PRPH2: variants seen among roughly 807,000 people sequenced by gnomAD.
The protein encoded by PRPH2 is peripherin-2.
Under a neutral mutation model 31.3 loss-of-function variants are expected in PRPH2, and 17 were observed. The ratio of observed to expected loss-of-function variants is 0.54; its 90% CI spans 0.37 to 0.81. PRPH2 has a LOEUF of 0.81. PRPH2 is among the 40% of genes least tolerant of loss of function. The probability of loss-of-function intolerance (pLI) is 0.00; values close to 1 mark genes in which losing one functional copy is unlikely to be tolerated. For synonymous variants in PRPH2, 165 were observed against 184.4 expected (o/e 0.89, Z 0.85); for missense variants, 430 against 439.7 (o/e 0.98, Z 0.20).
In PRPH2 at chr6:42,721,937, C is replaced by A; in HGVS notation, c.398G>T (p.Gly133Val). The change falls in exon 1 of 3, where the codon GGG becomes GTG. Residue 133 changes from glycine to valine, a missense_variant. Physicochemically the swap from Gly to Val is moderately radical, Grantham distance 109. Transcript: ENST00000230381. ...RGSLENTLGQ[G>V]LKNGMKYYRD... The stretch of plus-strand genomic sequence containing the variant: ...GTAGTACTTCATGCCGTTCTTGAGC[C>A]CTTGGCCCAGGGTGTTCTCCAGCGA... 6.2e-7 allele frequency: 1 copy of A among 1,614,128 alleles called. No homozygotes were observed. Among genetic ancestry groups the A allele is most frequent in the Non-Finnish European group, 8.5e-7 (1 of 1,180,036 alleles).
At position 42,697,023 on chromosome 6, in the gene PRPH2, G is replaced by T. The variant is rs911462684; in HGVS notation, c.*1272C>A. 33 of 152,034 alleles carry T rather than the reference G, an allele frequency of 2.2e-4. No individual in the cohort carries two copies. The highest frequency in any genetic ancestry group is 8.0e-4 in the African/African-American group (33 of 41,356). The allele number at this position is 152,034 out of a possible 1,614,324, so 9.4% of individuals were successfully genotyped here. A position where few individuals can be genotyped will look rare whatever the true frequency, so the allele number is the denominator to read the frequency against. ...TAAGTTATGGACTGTTCCCTTTCTG[G>T]TTTTTGCCTTCTGGCCTCGGTCTCC... On this transcript the variant is annotated 3_prime_UTR_variant, in exon 3 of 3. Transcript: ENST00000230381.
chr6:42,719,167 C>CTT (rs10594241), intron 1 of PRPH2, among the ~76,000 whole-genome samples: 7 of 144,910 alleles, frequency 4.8e-5, no homozygotes, highest in Admixed American at 6.9e-5. Context: ...AGTGGACTTC[C>CTT]TTTTTTTTTT....
rs1761916976 is a variant in PRPH2, at chr6:42,722,153, G to A, written c.182C>T (p.Pro61Leu). The A allele has an allele frequency of 1.4e-5, 22 of 1,614,094 alleles. No individual in the cohort carries two copies. The highest frequency in any genetic ancestry group is 1.9e-5 in the Non-Finnish European group (22 of 1,180,024). ...VMNNSESHFV[P>L]NSLIGMGVLS... is the part of the protein sequence containing the mutation. Reference sequence around the variant, plus strand: ...CACCCCCATCCCTATCAATGAGTTGGGCACAAAATGGCTCTCAGAATTATT... The same window carrying A: ...CACCCCCATCCCTATCAATGAGTTGAGCACAAAATGGCTCTCAGAATTATT... Residue 61 changes from proline (P) to leucine (L), a missense_variant, in exon 1 of 3, where the codon CCC becomes CTC. Transcript: ENST00000230381. The surrounding 1 kb of genome is among the most constrained non-coding windows in gnomAD (Gnocchi z 4.4).
At chr6:42,704,326 CTCTCCT>C in intron 2 of PRPH2, 33 bp downstream of exon 2, 1 of 1,594,032 alleles carries the variant, frequency 6.3e-7, no homozygotes, top group Non-Finnish European at 8.5e-7. Flanking sequence ...GGACCGGAGG[CTCTCCT>C]TACCCTCTAC....
chr6:42,712,659 C>T (rs1422318127), intron 1 of PRPH2, among the ~76,000 whole-genome samples: 1 of 151,662 alleles, frequency 6.6e-6, no homozygotes, highest in Admixed American at 6.6e-5. Context: ...TCAGGTGATC[C>T]ACCCGCCTCA....
intron 1 of PRPH2, among the ~76,000 whole-genome samples, chr6:42,708,090 G>A (rs751547824): frequency 2.6e-5 from 4 of 152,312 alleles, no homozygotes; most frequent in East Asian, 1.9e-4. Context: ...GCAGGTGGCC[G>A]AGCAAGAGCC....
intron 1 of PRPH2, among the ~76,000 whole-genome samples, chr6:42,713,224 CA>C (rs113027921): frequency 1.2e-3 from 174 of 139,410 alleles, no homozygotes; most frequent in Middle Eastern, 3.6e-3. Flanking sequence ...AACTCCATCT[CA>C]AAAAAAAAAA....
In PRPH2 at chr6:42,696,621, TTATC is replaced by T. The variant is rs1202344354; in HGVS notation, c.*1670_*1673del. The T allele has an allele frequency of 6.6e-6, 1 of 152,222 alleles. No homozygotes were observed. The highest frequency in any genetic ancestry group is 2.4e-5 in the African/African-American group (1 of 41,442). 9.4% of individuals were successfully genotyped at this position (152,222 alleles called of 1,614,324 possible). On this transcript the variant is annotated 3_prime_UTR_variant, in exon 3 of 3. Coordinates refer to ENST00000230381, the MANE Select transcript of PRPH2 (RefSeq NM_000322.5). ...GATTTTCATACAGTATGAATTTTAA[TTATC>T]TATTGACAGCTGTTAACAGCATAGT...
At chr6:42,698,604 G>A in intron 2 of PRPH2, 97 bp from the exon 3 acceptor site, 2 of 1,541,988 alleles carry the variant, frequency 1.3e-6, no homozygotes, top group South Asian at 2.3e-5. Flanking sequence ...GGGTCCCAGA[G>A]AGGACTCAAC....
At chr6:42,712,716 C>T (rs1268297403) in intron 1 of PRPH2, among the ~76,000 whole-genome samples, 2 of 151,548 alleles carry the variant, frequency 1.3e-5, no homozygotes, top group Admixed American at 6.6e-5. Context: ...TGTGCCCAGC[C>T]TGTTTTTTCC....
chr6:42,715,939 C>T (rs1761768984), intron 1 of PRPH2, among the ~76,000 whole-genome samples: 1 of 152,226 alleles, frequency 6.6e-6, no homozygotes, highest in Admixed American at 6.5e-5. Context: ...AGCTCCTCCT[C>T]TCAGGAACTG....
rs1799981303 is a variant in PRPH2 at position 42,698,253 on chromosome 6, C to G, written c.*42G>C. On this transcript the variant is annotated 3_prime_UTR_variant, in exon 3 of 3. Coordinates refer to ENST00000230381, the MANE Select transcript of PRPH2 (RefSeq NM_000322.5). Reference sequence around the variant, plus strand: ...GGGGAGATCCACGTTTCTTGGAGTGCACTATTTCTCAGTGTTCGGGAGGGG... The same window carrying G: ...GGGGAGATCCACGTTTCTTGGAGTGGACTATTTCTCAGTGTTCGGGAGGGG... 1 of 1,610,862 alleles carries G rather than the reference C, an allele frequency of 6.2e-7. No individual in the cohort carries two copies. Among genetic ancestry groups the G allele is most frequent in the Non-Finnish European group, 8.5e-7 (1 of 1,179,214 alleles).
chr6:42,703,299 C>A (rs1231227422), intron 2 of PRPH2, among the ~76,000 whole-genome samples: 1 of 152,236 alleles, frequency 6.6e-6, no homozygotes, highest in Non-Finnish European at 1.5e-5. Flanking sequence ...GATTTGCTTA[C>A]ATTGCAAGCC....
Position 42,704,507 on chromosome 6 carries a change from T to C in PRPH2, c.686A>G (p.Asn229Ser). ...GTCGTAACTGTAGTGTGCTGAGTTG[T>C]TGGTGATCTGATACTGGATGCAGGG... Reference protein sequence around the residue: ...PRPCIQYQITNNSAHYSYDHQ... With the variant: ...PRPCIQYQITSNSAHYSYDHQ... Residue 229 changes from asparagine (N) to serine (S), a missense_variant, in exon 2 of 3, where the codon AAC becomes AGC. By Grantham distance (46) the Asn-to-Ser change is conservative (BLOSUM62 1). Transcript: ENST00000230381. The C allele has an allele frequency of 6.2e-7, 1 of 1,614,148 alleles. No homozygotes were observed. Among genetic ancestry groups the C allele is most frequent in the East Asian group, 2.2e-5 (1 of 44,874 alleles).
chr6:42,698,596 G>A, intron 2 of PRPH2, 89 bp from the exon 3 acceptor site: 1 of 1,552,602 alleles, frequency 6.4e-7, no homozygotes, highest in Non-Finnish European at 8.7e-7. Context: ...CAAATTGAGG[G>A]TCCCAGAGAG....
At chr6:42,715,352 A>G (rs1761756667) in intron 1 of PRPH2, among the ~76,000 whole-genome samples, 3 of 152,108 alleles carry the variant, frequency 2.0e-5, no homozygotes, top group African/African-American at 4.8e-5. Flanking sequence ...GATGGGGTGC[A>G]GTCACTGGGC....
At chr6:42,721,676 G>T (rs1761903322) in intron 1 of PRPH2, 78 bp downstream of exon 1, 2 of 1,538,344 alleles carry the variant, frequency 1.3e-6, no homozygotes, top group African/African-American at 2.7e-5. Context: ...GGTGCGGGGA[G>T]AGGGGCTGGT....
chr6:42,716,304 A>C (rs781660471), intron 1 of PRPH2, among the ~76,000 whole-genome samples: 2 of 152,138 alleles, frequency 1.3e-5, no homozygotes, highest in Non-Finnish European at 2.9e-5. Flanking sequence ...GGGTGCCTAT[A>C]ATCCCAGGTA....
rs371135943 is a variant in PRPH2, at chr6:42,720,027, T to A, written c.581+1727A>T. ...CTATTTTGGCTTCTTTTAATATTAC[T>A]GCTGTATTTTTTGTGCGTGTAATAG... On this transcript the variant is annotated intron_variant, in intron 1 of 2. Transcript: ENST00000230381. 2.2e-4 allele frequency among the ~76,000 whole-genome samples: 34 copies of A among 152,344 alleles called. No individual in the cohort carries two copies. The East Asian group carries it at 4.4e-3, about 20-fold the overall frequency.
Sources: allele counts gnomAD v4.1 joint callset (sites outside exome capture counted in the v4.1 genomes callset), GRCh38; gene constraint gnomAD v4.1.1; non-coding constraint Gnocchi (gnomAD v3.1); transcripts MANE v1.5; gene names NCBI Gene and HGNC (gene_info 2026-07-23, HGNC 2026-07-21).